Variants in AFTPH observed in about 807,000 individuals in gnomAD.
AFTPH encodes aftiphilin, also known as aftiphilin protein.
Under a neutral mutation model 72.5 loss-of-function variants are expected in AFTPH, and 7 were observed. The observed-to-expected ratio is 0.10, with a 90% CI of 0.05 to 0.18. The LOEUF is 0.18. AFTPH is among the 10% of genes least tolerant of loss of function. The pLI is 1.00. For synonymous variants in AFTPH, 337 were observed against 370.1 expected (o/e 0.91, Z 1.03); for missense variants, 979 against 1,060.5 (o/e 0.92, Z 1.07).
At chr2:64,581,772 T>G (rs1673220126) in intron 7 of AFTPH, among the ~76,000 whole-genome samples, 1 of 152,232 alleles carries the variant, frequency 6.6e-6, no homozygotes. Flanking sequence ...TTCCAAAATG[T>G]TGGAGTCTAG....
At chr2:64,581,346 A>C in intron 7 of AFTPH, 73 bp downstream of exon 8, 1 of 1,179,468 alleles carries the variant, frequency 8.5e-7, no homozygotes, top group Non-Finnish European at 1.2e-6. Context: ...ACTTTCCTAT[A>C]AACAAGGAAA....
chr2:64,559,409 T>C (rs1311384149), intron 2 of AFTPH, among the ~76,000 whole-genome samples: 1 of 152,124 alleles, frequency 6.6e-6, no homozygotes, highest in Non-Finnish European at 1.5e-5. Flanking sequence ...ATGGTGTAGT[T>C]CCAGTCTGAG....
intron 1 of AFTPH, among the ~76,000 whole-genome samples, chr2:64,544,264 C>G (rs1407963334): frequency 6.6e-6 from 1 of 152,206 alleles, no homozygotes; most frequent in African/African-American, 2.4e-5. Context: ...GCTCTGACTA[C>G]TAGGATATCC....
intron 1 of AFTPH, among the ~76,000 whole-genome samples, chr2:64,534,310 T>C (rs1669773543): frequency 1.3e-5 from 2 of 152,060 alleles, no homozygotes; most frequent in South Asian, 4.1e-4. Context: ...TAAGAGATAA[T>C]TTAACTCTTT....
chr2:64,575,399 G>T lies in AFTPH; in HGVS notation c.2394+2331G>T, dbSNP rs140358540. On this transcript the variant is annotated intron_variant, in intron 6 of 8. Coordinates refer to ENST00000238856, the Ensembl canonical transcript of AFTPH. ...TCAGCACTTTGGGATGCCAAGGCAG[G>T]TGGATTGCTTGAGCCCAGGAGTTCG... Among the ~76,000 whole-genome samples the T allele has an allele frequency of 3.8e-3, 576 of 152,236 alleles. 1 individual carries two copies. Among genetic ancestry groups the T allele is most frequent in the Non-Finnish European group, 6.3e-3 (427 of 68,010 alleles).
intron 1 of AFTPH, among the ~76,000 whole-genome samples, chr2:64,549,140 A>G (rs1269307265): frequency 6.6e-6 from 1 of 152,156 alleles, no homozygotes; most frequent in African/African-American, 2.4e-5. Context: ...AAAACTGTGG[A>G]AGATCTTAGG....
At chr2:64,571,473 T>C (rs1308349602) in intron 5 of AFTPH, among the ~76,000 whole-genome samples, 1 of 152,216 alleles carries the variant, frequency 6.6e-6, no homozygotes, top group Non-Finnish European at 1.5e-5. Flanking sequence ...CCAGAGAGCC[T>C]GTATAATACA....
At chr2:64,584,807 A>G (rs762019157) in intron 7 of AFTPH, among the ~76,000 whole-genome samples, 52 of 152,210 alleles carry the variant, frequency 3.4e-4, no homozygotes, top group South Asian at 1.2e-3. Context: ...CGTTTTAGCC[A>G]GGACGGTCTT....
intron 7 of AFTPH, among the ~76,000 whole-genome samples, chr2:64,584,746 A>G (rs929149449): frequency 1.4e-4 from 21 of 151,882 alleles, no homozygotes; most frequent in African/African-American, 2.4e-4. Context: ...ACAGGCGCCC[A>G]CCACCATGCC....
chr2:64,575,755 TG>T (rs796270108), intron 6 of AFTPH, among the ~76,000 whole-genome samples: 1 of 59,882 alleles, frequency 1.7e-5, no homozygotes, highest in Non-Finnish European at 3.9e-5. Context: ...ATATTTTTTT[TG>T]GAGGTAGAGT....
intron 5 of AFTPH, among the ~76,000 whole-genome samples, chr2:64,569,907 C>T (rs1672314141): frequency 6.6e-6 from 1 of 152,068 alleles, no homozygotes. Context: ...AAATTTTTAT[C>T]TTAGTAATAT....
exon 9 of AFTPH, chr2:64,591,956 C>T: frequency 6.2e-7 from 1 of 1,613,976 alleles, no homozygotes; most frequent in Non-Finnish European, 8.5e-7. Flanking sequence ...CCTGACTTAA[C>T]ATTCATGCAT....
At chr2:64,561,735 G>T (rs948540326) in intron 2 of AFTPH, among the ~76,000 whole-genome samples, 2 of 152,164 alleles carry the variant, frequency 1.3e-5, no homozygotes, top group African/African-American at 4.8e-5. Context: ...TTGACGTTTA[G>T]TATTGTAACA....
intron 1 of AFTPH, among the ~76,000 whole-genome samples, chr2:64,529,396 A>T (rs750011993): frequency 8.1e-5 from 12 of 149,060 alleles, no homozygotes; most frequent in Non-Finnish European, 1.5e-4. Flanking sequence ...ATTTTACTTC[A>T]GTGATGTTTA....
intron 7 of AFTPH, 127 bp from the exon 8 acceptor site, chr2:64,581,063 T>C (rs1401923939): frequency 1.7e-6 from 1 of 587,082 alleles, no homozygotes; most frequent in Non-Finnish European, 3.0e-6. Context: ...ATTTTTAAAA[T>C]GTGTAATGAT....
At chr2:64,550,492 T>C (rs1670961668) in intron 1 of AFTPH, among the ~76,000 whole-genome samples, 1 of 152,198 alleles carries the variant, frequency 6.6e-6, no homozygotes, top group East Asian at 1.9e-4. Flanking sequence ...TATTTATATA[T>C]AACATTCTTG....
At chr2:64,578,575 T>A (rs200551274) in intron 6 of AFTPH, among the ~76,000 whole-genome samples, 6 of 132,732 alleles carry the variant, frequency 4.5e-5, no homozygotes, top group Middle Eastern at 3.6e-3. Context: ...TTTTTTTTTT[T>A]AAACAGTCTC....
intron 2 of AFTPH, among the ~76,000 whole-genome samples, chr2:64,566,898 C>A (rs1397651968): frequency 1.3e-5 from 2 of 151,082 alleles, no homozygotes; most frequent in African/African-American, 4.9e-5. Context: ...GCAACAAAGA[C>A]GAGTAGAGAA....
At chr2:64,543,359 TGAAGA>T (rs1670375395) in intron 1 of AFTPH, among the ~76,000 whole-genome samples, 1 of 152,242 alleles carries the variant, frequency 6.6e-6, no homozygotes, top group African/African-American at 2.4e-5. Flanking sequence ...ATTCTTTTGA[TGAAGA>T]GAAGTTTTAA....
Sources: allele counts gnomAD v4.1 joint callset (sites outside exome capture counted in the v4.1 genomes callset), GRCh38; gene constraint gnomAD v4.1.1; transcripts MANE v1.5; gene names NCBI Gene and HGNC (gene_info 2026-07-23, HGNC 2026-07-21).